Variants in ZNF469 observed in about 807,000 individuals in gnomAD.
The protein encoded by ZNF469 is zinc finger protein 469.
In ZNF469, 1 loss-of-function variant was observed where a neutral mutation model predicts 1.0. That is an observed-to-expected ratio of 1.00 (90% confidence interval 0.35 to 4.73). ZNF469 has a LOEUF of 4.73. ZNF469 is among the 30% of genes most tolerant of loss of function. ZNF469 has a pLI of 0.16. For synonymous variants in ZNF469, 2,703 were observed against 2,363.4 expected (o/e 1.14, Z -4.17); for missense variants, 6,100 against 5,356.3 (o/e 1.14, Z -4.33).
chr16:88,399,018 T>G (rs1294126297), intron 1 of ZNF469, among the ~76,000 whole-genome samples: 2 of 152,232 alleles, frequency 1.3e-5, no homozygotes, highest in East Asian at 3.9e-4. Flanking sequence ...TTAACCACTG[T>G]CAGCTGCCAC....
At chr16:88,278,902 C>CATT in the ZNF469 span, among the ~76,000 whole-genome samples, 1 of 148,356 alleles carries the variant, frequency 6.7e-6, no homozygotes, top group Non-Finnish European at 1.5e-5. Flanking sequence ...GTGTAGATAT[C>CATT]AGTGCACGGT....
the ZNF469 span, among the ~76,000 whole-genome samples, chr16:88,323,301 C>A: frequency 4.9e-4 from 75 of 152,310 alleles, no homozygotes; most frequent in African/African-American, 1.8e-3. Flanking sequence ...CAGGCCCTGA[C>A]ACCCTCGCAG....
At chr16:88,318,360 C>G in the ZNF469 span, among the ~76,000 whole-genome samples, 1 of 152,058 alleles carries the variant, frequency 6.6e-6, no homozygotes, top group African/African-American at 2.4e-5. Flanking sequence ...ACGCTGCCCC[C>G]CCTTCCTCCT....
At chr16:88,327,589 C>T in the ZNF469 span, among the ~76,000 whole-genome samples, 16 of 152,202 alleles carry the variant, frequency 1.1e-4, no homozygotes, top group East Asian at 1.9e-4. Context: ...GCTGCGTCAC[C>T]GGCAGCAGGA....
At chr16:88,211,058 A>C in the ZNF469 span, among the ~76,000 whole-genome samples, 1 of 152,246 alleles carries the variant, frequency 6.6e-6, no homozygotes, top group Admixed American at 6.5e-5. Flanking sequence ...CTCATTTGTC[A>C]GTCTACTTGT....
chr16:88,141,661 C>T, the ZNF469 span, among the ~76,000 whole-genome samples: 9 of 152,188 alleles, frequency 5.9e-5, no homozygotes, highest in African/African-American at 1.9e-4. Flanking sequence ...CAGGTGGGGA[C>T]CATCCTGGTC....
At chr16:88,220,520 G>T in the ZNF469 span, among the ~76,000 whole-genome samples, 3 of 152,180 alleles carry the variant, frequency 2.0e-5, no homozygotes, top group African/African-American at 4.8e-5. Flanking sequence ...ATGACGGGAC[G>T]GGGGTGAACC....
chr16:88,290,124 T>C, the ZNF469 span, among the ~76,000 whole-genome samples: 3 of 152,204 alleles, frequency 2.0e-5, no homozygotes, highest in Non-Finnish European at 4.4e-5. Context: ...CTGAGAGCAG[T>C]GAGGCACTTA....
chr16:88,157,509 C>A, the ZNF469 span, among the ~76,000 whole-genome samples: 2 of 152,156 alleles, frequency 1.3e-5, no homozygotes, highest in African/African-American at 2.4e-5. Flanking sequence ...CCTTGTCTGC[C>A]AGCCATGGTG....
At chr16:88,247,055 GTGATTGAGTGAGTGAC>G in the ZNF469 span, among the ~76,000 whole-genome samples, 1 of 149,388 alleles carries the variant, frequency 6.7e-6, no homozygotes, top group African/African-American at 2.5e-5. Flanking sequence ...GAATGAGTGA[GTGATTGAGTGAGTGAC>G]TGAGTGAGTG....
chr16:88,247,524 A>ATGAGTGAG, the ZNF469 span, among the ~76,000 whole-genome samples: 1 of 150,390 alleles, frequency 6.6e-6, no homozygotes, highest in African/African-American at 2.5e-5. Context: ...GAGTGAGTGA[A>ATGAGTGAG]TGAGTGAGTG....
At chr16:88,267,221 G>C in the ZNF469 span, among the ~76,000 whole-genome samples, 5 of 152,194 alleles carry the variant, frequency 3.3e-5, no homozygotes, top group African/African-American at 1.2e-4. Context: ...CCTTGCTGCC[G>C]AGGGCTTGCT....
chr16:88,136,451 G>T, the ZNF469 span, among the ~76,000 whole-genome samples: 2,218 of 152,390 alleles, frequency 0.015, 56 homozygotes, highest in African/African-American at 0.051. Flanking sequence ...GCTGGGTCCA[G>T]ATGGCGGCAG....
At chr16:88,142,692 C>T in the ZNF469 span, among the ~76,000 whole-genome samples, 1 of 152,238 alleles carries the variant, frequency 6.6e-6, no homozygotes, top group African/African-American at 2.4e-5. Flanking sequence ...CCCTGTTTTA[C>T]AGAGGAGGAA....
the ZNF469 span, among the ~76,000 whole-genome samples, chr16:88,275,657 AGGCTGCT>A: frequency 6.6e-6 from 1 of 152,204 alleles, no homozygotes; most frequent in South Asian, 2.1e-4. Context: ...GCTGGTGTCC[AGGCTGCT>A]GGCTCTGAAT....
chr16:88,387,327 C>T (rs1011399563), intron 1 of ZNF469, among the ~76,000 whole-genome samples: 5 of 152,210 alleles, frequency 3.3e-5, no homozygotes, highest in Non-Finnish European at 5.9e-5. Flanking sequence ...CCGGTTCTCC[C>T]CCCTTGGTCT....
chr16:88,218,538 G>A, the ZNF469 span, among the ~76,000 whole-genome samples: 71 of 152,238 alleles, frequency 4.7e-4, no homozygotes, highest in African/African-American at 1.5e-3. Flanking sequence ...CTCAATAGAC[G>A]CAGAAAAAGC....
At chr16:88,412,079 G>T (rs1347931405) in intron 1 of ZNF469, among the ~76,000 whole-genome samples, 2 of 11,846 alleles carry the variant, frequency 1.7e-4, no homozygotes, top group Non-Finnish European at 1.6e-4. Flanking sequence ...GGTGCAGGGG[G>T]CGGGGGGTCC....
At chr16:88,277,863 G>A in the ZNF469 span, among the ~76,000 whole-genome samples, 3 of 21,322 alleles carry the variant, frequency 1.4e-4, no homozygotes, top group African/African-American at 3.7e-4. Flanking sequence ...GCTGTGCGAC[G>A]CTGACGCTCA....
Sources: allele counts gnomAD v4.1 joint callset (sites outside exome capture counted in the v4.1 genomes callset), GRCh38; gene constraint gnomAD v4.1.1; transcripts MANE v1.5; gene names NCBI Gene and HGNC (gene_info 2026-07-23, HGNC 2026-07-21).